The following SHB variants were observed in gnomAD, a reference collection of about 807,000 sequenced individuals.
SHB encodes SH2 domain containing adaptor protein B, also known as SH2 domain-containing adapter protein B.
A neutral mutation model predicts 52.3 loss-of-function variants in SHB; 20 were observed. That is an observed-to-expected ratio of 0.38 (90% CI 0.27 to 0.56). SHB has a LOEUF of 0.56. SHB is among the 20% of genes least tolerant of loss of function. The pLI, the probability that SHB is intolerant of heterozygous loss-of-function variation, is 0.71. For missense variants in SHB, 825 were observed against 723.3 expected, an observed-to-expected ratio of 1.14 and a Z score of -1.61; for synonymous variants, 397 against 316.5, an observed-to-expected ratio of 1.25 and a Z score of -2.70.
At chr9:37,931,405 A>C (rs1170264972) in intron 5 of SHB, among the ~76,000 whole-genome samples, 1 of 152,206 alleles carries the variant, frequency 6.6e-6, no homozygotes, top group African/African-American at 2.4e-5. Flanking sequence ...AAAACAAATA[A>C]CCTGATTATA....
chr9:37,962,509 CTT>C (rs61534080), intron 3 of SHB, among the ~76,000 whole-genome samples: 2 of 145,624 alleles, frequency 1.4e-5, no homozygotes. Flanking sequence ...CTTCATCTTT[CTT>C]TTTTTTTTTT....
intron 1 of SHB, among the ~76,000 whole-genome samples, chr9:38,032,188 C>T (rs958858534): frequency 6.6e-6 from 1 of 152,232 alleles, no homozygotes; most frequent in Non-Finnish European, 1.5e-5. Flanking sequence ...ACCTTCTCTA[C>T]AAGCCAGGCT....
chr9:37,949,196 C>A (rs1286748006), intron 4 of SHB, among the ~76,000 whole-genome samples: 4 of 152,038 alleles, frequency 2.6e-5, no homozygotes, highest in Admixed American at 2.6e-4. Flanking sequence ...AGTTCAAAAC[C>A]AGCCTGGCCA....
chr9:38,014,801 T>C (rs926096083), intron 2 of SHB, among the ~76,000 whole-genome samples: 2 of 152,148 alleles, frequency 1.3e-5, no homozygotes, highest in African/African-American at 4.8e-5. Flanking sequence ...GCCTAGAAGG[T>C]GCACCCAGAT....
chr9:37,977,787 C>T (rs1020411939), intron 2 of SHB, among the ~76,000 whole-genome samples: 17 of 152,286 alleles, frequency 1.1e-4, no homozygotes, highest in Admixed American at 5.9e-4. Flanking sequence ...GCTGAGGATA[C>T]GGCAGCTGAG....
At chr9:37,947,432 CCT>C (rs1436607992) in intron 5 of SHB, among the ~76,000 whole-genome samples, 5 of 152,360 alleles carry the variant, frequency 3.3e-5, no homozygotes, top group African/African-American at 1.2e-4. Context: ...CCACAAGTCC[CCT>C]GTCTGTACAT....
chr9:38,010,810 C>T (rs566088864), intron 2 of SHB, among the ~76,000 whole-genome samples: 5 of 152,200 alleles, frequency 3.3e-5, no homozygotes, highest in Non-Finnish European at 7.3e-5. Context: ...CTGCAATGAC[C>T]GAGCGCACTG....
chr9:38,033,153 A>T (rs1449872464), intron 1 of SHB, among the ~76,000 whole-genome samples: 1 of 152,210 alleles, frequency 6.6e-6, no homozygotes, highest in Non-Finnish European at 1.5e-5. Flanking sequence ...CGATCTAAGG[A>T]GATGAGGCGG....
intron 1 of SHB, among the ~76,000 whole-genome samples, chr9:38,017,591 T>G (rs1237716957): frequency 2.6e-5 from 4 of 152,354 alleles, no homozygotes; most frequent in East Asian, 1.9e-4. Context: ...CAGCGGTCAC[T>G]GCTCCCCAAA....
At chr9:38,060,093 G>A (rs1400559771) in intron 1 of SHB, among the ~76,000 whole-genome samples, 1 of 152,210 alleles carries the variant, frequency 6.6e-6, no homozygotes, top group Non-Finnish European at 1.5e-5. Flanking sequence ...GCTTGAGGTA[G>A]TATGGCACAG....
intron 2 of SHB, among the ~76,000 whole-genome samples, chr9:37,986,451 G>A (rs773484631): frequency 1.3e-5 from 2 of 152,274 alleles, no homozygotes; most frequent in Non-Finnish European, 2.9e-5. Flanking sequence ...TAGGGGTGCA[G>A]CCACTAAAGG....
intron 3 of SHB, among the ~76,000 whole-genome samples, chr9:37,973,846 C>T (rs1820621279): frequency 6.6e-6 from 1 of 152,152 alleles, no homozygotes; most frequent in African/African-American, 2.4e-5. Flanking sequence ...TCCTGTGAGC[C>T]CTGCAGGGCT....
intron 5 of SHB, among the ~76,000 whole-genome samples, chr9:37,942,244 C>T (rs143621763): frequency 1.3e-3 from 191 of 152,300 alleles, no homozygotes; most frequent in African/African-American, 4.3e-3. Flanking sequence ...TGCTCTAAGC[C>T]GGATACAAAT....
intron 4 of SHB, among the ~76,000 whole-genome samples, chr9:37,952,602 C>T (rs1832578684): frequency 6.6e-6 from 1 of 152,152 alleles, no homozygotes; most frequent in African/African-American, 2.4e-5. Context: ...AGTCAGGATG[C>T]TAGTGAAGTA....
rs116026577 is a variant in SHB, at chr9:38,024,377, G to T, written c.718-8246C>A. On this transcript the variant is annotated intron_variant, in intron 1 of 5. Transcript: ENST00000377707. ...CCACATGTCAGGAGGCTGGGAGTGT[G>T]GGGGGTTAAAGTGGTCACCACTGGT... Among the ~76,000 whole-genome samples the T allele has an allele frequency of 6.0e-3, 920 of 152,342 alleles. 12 individuals are homozygous for T. Among genetic ancestry groups the T allele is most frequent in the African/African-American group, 0.021 (881 of 41,566 alleles).
chr9:37,968,335 G>C (rs889995165), intron 3 of SHB, among the ~76,000 whole-genome samples: 7 of 152,180 alleles, frequency 4.6e-5, no homozygotes, highest in African/African-American at 1.7e-4. Flanking sequence ...GTCTGTCTCA[G>C]GTCCCGAAGT....
At chr9:37,995,832 C>T (rs192025491) in intron 2 of SHB, among the ~76,000 whole-genome samples, 9 of 152,276 alleles carry the variant, frequency 5.9e-5, no homozygotes, top group Non-Finnish European at 7.3e-5. Flanking sequence ...AGACACTTGA[C>T]GGCACTCCCT....
intron 2 of SHB, among the ~76,000 whole-genome samples, chr9:37,975,389 C>T (rs962166789): frequency 6.6e-6 from 1 of 152,170 alleles, no homozygotes; most frequent in Non-Finnish European, 1.5e-5. Flanking sequence ...TGACCCCTTC[C>T]CTTTATTTCT....
intron 1 of SHB, among the ~76,000 whole-genome samples, chr9:38,028,496 T>C (rs889411769): frequency 1.3e-5 from 2 of 152,166 alleles, no homozygotes; most frequent in African/African-American, 4.8e-5. Flanking sequence ...CAAGCCACCC[T>C]CAGTGATACC....
Sources: gnomAD v4.1 joint callset for allele counts (sites outside exome capture counted in the v4.1 genomes callset) on GRCh38, gnomAD v4.1.1 for gene constraint, MANE v1.5 for transcripts, NCBI Gene and HGNC (gene_info 2026-07-23, HGNC 2026-07-21) for gene names.